CCDC88C: variants seen among roughly 807,000 people sequenced by gnomAD.
CCDC88C encodes protein Daple.
In CCDC88C, 131 loss-of-function variants were observed where a neutral mutation model predicts 198.8. That is an observed-to-expected ratio of 0.66 (90% CI 0.57 to 0.76). CCDC88C has a LOEUF of 0.76. CCDC88C is among the 30% of genes least tolerant of loss of function. CCDC88C has a pLI of 0.00. For synonymous variants in CCDC88C, 1,166 were observed against 1,114.7 expected, an observed-to-expected ratio of 1.05 and a Z score of -0.92; for missense variants, 2,553 against 2,631.6, an observed-to-expected ratio of 0.97 and a Z score of 0.65.
At chr14:91,383,769 G>A (rs1884957574) in intron 3 of CCDC88C, among the ~76,000 whole-genome samples, 1 of 152,196 alleles carries the variant, frequency 6.6e-6, no homozygotes, top group Non-Finnish European at 1.5e-5. Context: ...CCCACATTGT[G>A]CTGTGACAGG....
At chr14:91,323,063 G>A (rs1289519705) in intron 12 of CCDC88C, among the ~76,000 whole-genome samples, 2 of 151,942 alleles carry the variant, frequency 1.3e-5, no homozygotes, top group Non-Finnish European at 2.9e-5. Flanking sequence ...GCACCACCAC[G>A]CCTGACTAAT....
At chr14:91,370,105 C>T (rs888082188) in intron 3 of CCDC88C, among the ~76,000 whole-genome samples, 9 of 152,216 alleles carry the variant, frequency 5.9e-5, no homozygotes, top group African/African-American at 2.2e-4. Flanking sequence ...AACTCAAACA[C>T]CGCAGCATGA....
chr14:91,354,928 AC>A (rs1197826463), intron 4 of CCDC88C, among the ~76,000 whole-genome samples: 1 of 152,242 alleles, frequency 6.6e-6, no homozygotes, highest in Non-Finnish European at 1.5e-5. Context: ...GCAGAGCAGA[AC>A]AAAGAAGACA....
At chr14:91,347,174 T>G (rs1269489351) in intron 4 of CCDC88C, among the ~76,000 whole-genome samples, 1 of 152,150 alleles carries the variant, frequency 6.6e-6, no homozygotes, top group Non-Finnish European at 1.5e-5. Flanking sequence ...GCTGAAACAC[T>G]AAGAAAGCAC....
In CCDC88C at chr14:91,342,305, T is replaced by G. The variant is rs1893344212; in HGVS notation, c.483+75A>C. 3.6e-6 allele frequency: 3 copies of G among 843,078 alleles called. No homozygotes were observed. The South Asian group carries it at 4.3e-5, about 12-fold the overall frequency. The allele number at this position is 843,078 out of a possible 1,614,324, so 52.2% of individuals were successfully genotyped here. On this transcript the variant is annotated intron_variant, in intron 6 of 29. Transcript: ENST00000389857. The stretch of plus-strand genomic sequence containing the variant: ...TGTATTCTTCAAACGTTTCCACTCA[T>G]AGAGAAGTTTTGCCTCCCGGCCACC...
intron 3 of CCDC88C, among the ~76,000 whole-genome samples, chr14:91,362,481 T>C (rs537762113): frequency 6.6e-6 from 1 of 152,338 alleles, no homozygotes; most frequent in African/African-American, 2.4e-5. Flanking sequence ...AAAATGCAAA[T>C]TGTTATTTTT....
At chr14:91,362,779 A>G (rs753874809) in intron 3 of CCDC88C, among the ~76,000 whole-genome samples, 1 of 152,106 alleles carries the variant, frequency 6.6e-6, no homozygotes, top group Non-Finnish European at 1.5e-5. Flanking sequence ...TATACAAAAA[A>G]TAAGCTGGGC....
At chr14:91,324,742 C>T (rs368075021) in intron 12 of CCDC88C, 37 bp downstream of exon 12, 161 of 1,603,168 alleles carry the variant, frequency 1.0e-4, no homozygotes, top group Middle Eastern at 3.3e-4. Flanking sequence ...GCGGCGGCCA[C>T]GGCCAGGCTG....
chr14:91,370,379 C>G (rs1243043411), intron 3 of CCDC88C, among the ~76,000 whole-genome samples: 1 of 152,216 alleles, frequency 6.6e-6, no homozygotes, highest in Admixed American at 6.5e-5. Context: ...CAGAAGAACT[C>G]AGGGAACCCG....
chr14:91,301,678 C>T (rs1189838948), intron 20 of CCDC88C, among the ~76,000 whole-genome samples: 2 of 152,214 alleles, frequency 1.3e-5, no homozygotes, highest in African/African-American at 4.8e-5. Flanking sequence ...GATCGCTCCA[C>T]TGCACTCCAG....
At chr14:91,307,311 AC>A in intron 17 of CCDC88C, 85 bp from the exon 18 acceptor site, 1 of 1,191,308 alleles carries the variant, frequency 8.4e-7, no homozygotes, top group Non-Finnish European at 1.2e-6. Flanking sequence ...GGCAACCTGC[AC>A]CACACCCTCC....
chr14:91,413,260 T>C, intron 2 of CCDC88C, among the ~76,000 whole-genome samples: 1 of 152,316 alleles, frequency 6.6e-6, no homozygotes, highest in South Asian at 2.1e-4. Flanking sequence ...ATCTGCACAA[T>C]GATAGACATA....
intron 2 of CCDC88C, among the ~76,000 whole-genome samples, chr14:91,409,590 C>T (rs140750949): frequency 6.6e-6 from 1 of 151,510 alleles, no homozygotes; most frequent in African/African-American, 2.4e-5. Context: ...TGGGTTCCAG[C>T]GATTCTCCCA....
Position 91,283,320 on chromosome 14 carries a change from G to A in CCDC88C, c.4630+9C>T, listed in dbSNP as rs749164277. The A allele has an allele frequency of 8.1e-6, 13 of 1,612,034 alleles. No individual in the cohort carries two copies. The highest frequency in any genetic ancestry group is 6.6e-5 in the South Asian group (6 of 90,630). The stretch of plus-strand genomic sequence containing the variant: ...GACGCTCATGGCTCTGGAAGGGCCT[G>A]TGACTCACCTTTGGTGCGGCCTGGG... On this transcript the variant is annotated intron_variant, in intron 26 of 29. Coordinates refer to ENST00000389857, the MANE Select transcript of CCDC88C (RefSeq NM_001080414.4).
chr14:91,303,059 C>T (rs1403348511), intron 20 of CCDC88C, among the ~76,000 whole-genome samples: 2 of 152,196 alleles, frequency 1.3e-5, no homozygotes, highest in Non-Finnish European at 2.9e-5. Flanking sequence ...TTTGGGAAAG[C>T]TCAGGTGCCC....
chr14:91,362,263 G>A (rs1273976902), intron 3 of CCDC88C, among the ~76,000 whole-genome samples: 2 of 150,946 alleles, frequency 1.3e-5, no homozygotes, highest in African/African-American at 4.9e-5. Context: ...AAAAGACTAC[G>A]TTCCAGTGTT....
Position 91,404,797 on chromosome 14 carries a change from A to G in CCDC88C, c.270+3862T>C, listed in dbSNP as rs140101610. Among the ~76,000 whole-genome samples the G allele has an allele frequency of 2.1e-3, 318 of 152,134 alleles. 1 individual carries two copies. Among genetic ancestry groups the G allele is most frequent in the African/African-American group, 7.5e-3 (310 of 41,488 alleles). ...GCTAACACGGTGAAAACCCGTCTCTACTAAAAATACAAAAAAAATTAGCCA... is the reference window on the plus strand; with the variant it reads ...GCTAACACGGTGAAAACCCGTCTCTGCTAAAAATACAAAAAAAATTAGCCA... On this transcript the variant is annotated intron_variant, in intron 3 of 29. Coordinates refer to ENST00000389857, the MANE Select transcript of CCDC88C (RefSeq NM_001080414.4).
intron 2 of CCDC88C, among the ~76,000 whole-genome samples, chr14:91,412,292 G>A (rs1287580443): frequency 1.3e-5 from 2 of 152,002 alleles, no homozygotes; most frequent in East Asian, 1.9e-4. Flanking sequence ...TTAAGGACAC[G>A]TATTAATATA....
At chr14:91,341,218 G>A (rs1209062940) in intron 6 of CCDC88C, among the ~76,000 whole-genome samples, 3 of 152,158 alleles carry the variant, frequency 2.0e-5, no homozygotes, top group Admixed American at 6.5e-5. Context: ...TTGAGAGGCC[G>A]GTTCTAGGCC....
Sources: gnomAD v4.1 joint callset for allele counts (sites outside exome capture counted in the v4.1 genomes callset) on GRCh38, gnomAD v4.1.1 for gene constraint, MANE v1.5 for transcripts, NCBI Gene and HGNC (gene_info 2026-07-23, HGNC 2026-07-21) for gene names.